FRAS1: variants seen among roughly 807,000 people sequenced by gnomAD.
FRAS1 encodes Fraser extracellular matrix complex subunit 1.
Under a neutral mutation model 435.2 loss-of-function variants are expected in FRAS1, and 290 were observed. The observed-to-expected ratio is 0.67, with a 90% CI of 0.61 to 0.73. The LOEUF (loss-of-function observed/expected upper bound fraction) is 0.73. Among genes scored for constraint, FRAS1 ranks in the 30% least tolerant of loss-of-function variants. The probability of loss-of-function intolerance (pLI) is 0.00; values close to 1 mark genes in which losing one functional copy is unlikely to be tolerated. For missense variants in FRAS1, 4,860 were observed against 5,001.5 expected, an observed-to-expected ratio of 0.97 and a Z score of 0.85; for synonymous variants, 1,800 against 1,851.0, an observed-to-expected ratio of 0.97 and a Z score of 0.71.
At chr4:78,304,957 G>T (rs922766748) in intron 14 of FRAS1, among the ~76,000 whole-genome samples, 12 of 152,122 alleles carry the variant, frequency 7.9e-5, no homozygotes, top group African/African-American at 2.7e-4. Flanking sequence ...TGATGTCAGG[G>T]TGTCAATTTT....
intron 34 of FRAS1, among the ~76,000 whole-genome samples, chr4:78,422,346 A>G (rs1396667797): frequency 6.6e-6 from 1 of 152,142 alleles, no homozygotes; most frequent in Admixed American, 6.5e-5. Flanking sequence ...TTTGATAAAT[A>G]ACCCCAGGAA....
chr4:78,427,320 A>AC (rs1734037907), intron 35 of FRAS1, among the ~76,000 whole-genome samples: 1 of 152,006 alleles, frequency 6.6e-6, no homozygotes. Flanking sequence ...CACCAAATGT[A>AC]CCCCCTCAAC....
chr4:78,249,002 T>A (rs570869632), intron 4 of FRAS1, among the ~76,000 whole-genome samples: 56 of 139,606 alleles, frequency 4.0e-4, no homozygotes, highest in Non-Finnish European at 8.0e-4. Flanking sequence ...GCTACTACAG[T>A]GTTTATAAAA....
chr4:78,070,267 A>G (rs985823105), intron 2 of FRAS1, among the ~76,000 whole-genome samples: 8 of 151,894 alleles, frequency 5.3e-5, no homozygotes, highest in Non-Finnish European at 7.4e-5. Flanking sequence ...ATATATATAT[A>G]TATATATACC....
intron 2 of FRAS1, among the ~76,000 whole-genome samples, chr4:78,124,854 T>A (rs747141212): frequency 3.3e-5 from 5 of 152,182 alleles, no homozygotes; most frequent in Non-Finnish European, 5.9e-5. Context: ...TCTTTTTTTA[T>A]ATCATCTATT....
intron 14 of FRAS1, among the ~76,000 whole-genome samples, chr4:78,300,607 G>C (rs936230304): frequency 2.6e-5 from 4 of 152,132 alleles, no homozygotes; most frequent in Non-Finnish European, 4.4e-5. Flanking sequence ...GGCAGCCAGA[G>C]AGTGATTTGA....
chr4:78,141,424 G>C lies in FRAS1; in HGVS notation c.108+75408G>C, dbSNP rs560701207. Reference sequence around the variant, plus strand: ...AGTGGGGGAGTTCTCTTTTGACAATGGCAGACTATGTTATTTTGAACCAAC... The same window carrying C: ...AGTGGGGGAGTTCTCTTTTGACAATCGCAGACTATGTTATTTTGAACCAAC... On this transcript the variant is annotated intron_variant, in intron 2 of 73. Transcript: ENST00000512123. 1.3e-4 allele frequency among the ~76,000 whole-genome samples: 20 copies of C among 152,208 alleles called. No individual in the cohort carries two copies. The South Asian group carries it at 3.9e-3, about 30-fold the overall frequency.
At chr4:78,288,197 TA>T (rs746016977) in intron 14 of FRAS1, among the ~76,000 whole-genome samples, 312 of 152,352 alleles carry the variant, frequency 2.0e-3, no homozygotes, top group Non-Finnish European at 3.6e-3. Flanking sequence ...CAAATACCTT[TA>T]TAAGTGTCTA....
intron 3 of FRAS1, 121 bp from the exon 4 acceptor site, chr4:78,245,109 CTGT>C (rs1725169805): frequency 2.8e-6 from 2 of 714,420 alleles, no homozygotes; most frequent in East Asian, 2.7e-5. Context: ...TTTATCCCAT[CTGT>C]TGTTGTCACC....
intron 59 of FRAS1, among the ~76,000 whole-genome samples, chr4:78,493,657 G>A (rs1578356943): frequency 1.3e-5 from 2 of 152,174 alleles, no homozygotes; most frequent in South Asian, 2.1e-4. Flanking sequence ...GCCTGTCTGG[G>A]TGGTGGGGGG....
At chr4:78,257,147 A>T (rs1487761329) in intron 6 of FRAS1, among the ~76,000 whole-genome samples, 1 of 152,232 alleles carries the variant, frequency 6.6e-6, no homozygotes, top group Non-Finnish European at 1.5e-5. Flanking sequence ...TCTATAGCTG[A>T]TAAAACTGAG....
At chr4:78,147,231 C>T (rs965035789) in intron 2 of FRAS1, among the ~76,000 whole-genome samples, 2 of 152,110 alleles carry the variant, frequency 1.3e-5, no homozygotes, top group African/African-American at 2.4e-5. Context: ...AATAAAGGTG[C>T]AATGAGTTTA....
chr4:78,113,893 A>G (rs964633394), intron 2 of FRAS1, among the ~76,000 whole-genome samples: 45 of 152,310 alleles, frequency 3.0e-4, no homozygotes, highest in Non-Finnish European at 6.3e-4. Flanking sequence ...TTAGACATGA[A>G]GTCCTTGCCC....
rs757782924 is a variant in FRAS1, at chr4:78,363,668, GAGTA to G, written c.2575+7_2575+10del. On this transcript the variant is annotated splice_donor_5th_base_variant and intron_variant, in intron 21 of 73. Transcript: ENST00000512123. ...TGCAGAGAGAGGAGCTTGTAAAAGTGAGTAAGTGCTGGACTCAGGAGCTGGAGCT... is the reference window on the plus strand; with the variant it reads ...TGCAGAGAGAGGAGCTTGTAAAAGTGAGTGCTGGACTCAGGAGCTGGAGCT... 39 of 1,579,512 alleles carry G rather than the reference GAGTA, an allele frequency of 2.5e-5. No individual in the cohort carries two copies. In the Middle Eastern group the frequency reaches 8.3e-4, roughly 34 times the overall value.
intron 69 of FRAS1, among the ~76,000 whole-genome samples, chr4:78,526,306 A>G (rs1721532314): frequency 6.6e-6 from 1 of 152,184 alleles, no homozygotes; most frequent in Non-Finnish European, 1.5e-5. Context: ...CATAGGAAGG[A>G]CCTGAATACC....
intron 58 of FRAS1, among the ~76,000 whole-genome samples, chr4:78,485,889 A>G (rs1242735818): frequency 6.6e-6 from 1 of 152,194 alleles, no homozygotes; most frequent in Non-Finnish European, 1.5e-5. Context: ...GAGTCTTACA[A>G]AGTCAACTCT....
chr4:78,125,671 A>C (rs1343150764), intron 2 of FRAS1, among the ~76,000 whole-genome samples: 1 of 151,960 alleles, frequency 6.6e-6, no homozygotes, highest in Non-Finnish European at 1.5e-5. Context: ...CTGGAGGTCC[A>C]CTCCAGATGC....
intron 20 of FRAS1, 27 bp downstream of exon 20, chr4:78,337,844 G>A (rs372187347): frequency 5.6e-5 from 91 of 1,613,278 alleles, no homozygotes; most frequent in Non-Finnish European, 7.1e-5. Flanking sequence ...TGGACTCCTC[G>A]GAAATCACTG....
At chr4:78,534,091 G>A (rs1031627225) in intron 70 of FRAS1, among the ~76,000 whole-genome samples, 5 of 152,148 alleles carry the variant, frequency 3.3e-5, no homozygotes, top group African/African-American at 1.2e-4. Context: ...AAGAGTCAAA[G>A]CCTCAGAGCA....
Sources: gnomAD v4.1 joint callset for allele counts (sites outside exome capture counted in the v4.1 genomes callset) on GRCh38, gnomAD v4.1.1 for gene constraint, MANE v1.5 for transcripts, NCBI Gene and HGNC (gene_info 2026-07-23, HGNC 2026-07-21) for gene names.